ABTB2: variants seen among roughly 807,000 people sequenced by gnomAD.
ABTB2 encodes the protein ankyrin repeat and BTB domain containing 2.
In ABTB2, 56 loss-of-function variants were observed where a neutral mutation model predicts 104.1. The ratio of observed to expected loss-of-function variants is 0.54; its 90% CI spans 0.43 to 0.67. ABTB2 has a LOEUF of 0.67. Ranked by LOEUF, ABTB2 falls within the 30% of genes least tolerant of loss-of-function variation. The pLI, the probability that ABTB2 is intolerant of heterozygous loss-of-function variation, is 0.00. For missense variants in ABTB2, 1,279 were observed against 1,407.7 expected, an observed-to-expected ratio of 0.91 and a Z score of 1.46; for synonymous variants, 606 against 608.2, an observed-to-expected ratio of 1.00 and a Z score of 0.05.
rs1363846796 is a variant in ABTB2, at chr11:34,253,563, C to T, written c.884-48873G>A. On this transcript the variant is annotated intron_variant, in intron 1 of 16. Transcript: ENST00000435224. ...TGGTGGCACACTCTTGTAATCCCAG[C>T]TACTCGGGAGGCTGAGGCAGGAGAA... Among the ~76,000 whole-genome samples the T allele has an allele frequency of 2.0e-5, 3 of 151,990 alleles. No homozygotes were observed. In the East Asian group the frequency reaches 5.8e-4, roughly 29 times the overall value.
At chr11:34,289,774 G>C (rs953157181) in intron 1 of ABTB2, among the ~76,000 whole-genome samples, 15 of 152,184 alleles carry the variant, frequency 9.9e-5, no homozygotes, top group African/African-American at 3.4e-4. Context: ...AAGACCCTCA[G>C]ACCAGAACAA....
chr11:34,249,547 T>C (rs1198472830), intron 1 of ABTB2, among the ~76,000 whole-genome samples: 2 of 151,640 alleles, frequency 1.3e-5, no homozygotes, highest in African/African-American at 4.8e-5. Flanking sequence ...TGGCAGGTCA[T>C]TTCATGACCT....
chr11:34,294,254 TG>T (rs1854595366), intron 1 of ABTB2, among the ~76,000 whole-genome samples: 1 of 152,074 alleles, frequency 6.6e-6, no homozygotes, highest in Non-Finnish European at 1.5e-5. Context: ...GGCTTGAGCC[TG>T]GGGTCATTGA....
chr11:34,173,510 A>C lies in ABTB2; in HGVS notation c.1245-203T>G, dbSNP rs577322998. ...GCAGCAGGGGACCCCTTAAGCACAC[A>C]CATGCTCACAAGTGGCAACCAAGGC... On this transcript the variant is annotated intron_variant, in intron 3 of 16. Transcript: ENST00000435224. Among the ~76,000 whole-genome samples the C allele has an allele frequency of 2.0e-5, 3 of 152,246 alleles. No individual in the cohort carries two copies. In the South Asian group the frequency reaches 6.2e-4, roughly 32 times the overall value.
Position 34,229,353 on chromosome 11 carries a change from C to T in ABTB2, c.884-24663G>A, listed in dbSNP as rs537592850. On this transcript the variant is annotated intron_variant, in intron 1 of 16. Coordinates refer to ENST00000435224, the MANE Select transcript of ABTB2 (RefSeq NM_145804.3). ...AAAATTAGCCAGGTGTGGTGGCGGG[C>T]GCCTGTAGTCCCAGCTACTCGGGAG... Among the ~76,000 whole-genome samples, 409 of 151,002 alleles carry T rather than the reference C, an allele frequency of 2.7e-3. 1 individual carries two copies. Among genetic ancestry groups the T allele is most frequent in the Middle Eastern group, 0.014 (4 of 292 alleles).
chr11:34,350,418 T>C (rs1855384178), intron 1 of ABTB2, among the ~76,000 whole-genome samples: 1 of 152,234 alleles, frequency 6.6e-6, no homozygotes, highest in African/African-American at 2.4e-5. Context: ...CTGCGGCTTC[T>C]CTATTCAGCT....
chr11:34,184,002 C>T (rs1295089797), intron 3 of ABTB2, among the ~76,000 whole-genome samples: 1 of 151,992 alleles, frequency 6.6e-6, no homozygotes, highest in Non-Finnish European at 1.5e-5. Flanking sequence ...CAGCCTCAAC[C>T]TGCTTGCTGG....
At chr11:34,351,955 A>G (rs975723645) in intron 1 of ABTB2, among the ~76,000 whole-genome samples, 1 of 152,160 alleles carries the variant, frequency 6.6e-6, no homozygotes, top group Non-Finnish European at 1.5e-5. Flanking sequence ...TTTCATTTCC[A>G]AAGCTTGCTC....
chr11:34,227,621 C>T (rs1276347887), intron 1 of ABTB2, among the ~76,000 whole-genome samples: 1 of 152,236 alleles, frequency 6.6e-6, no homozygotes, highest in African/African-American at 2.4e-5. Context: ...TTGGCTATTA[C>T]AAACAATGCT....
chr11:34,226,789 G>C (rs1031751020), intron 1 of ABTB2, among the ~76,000 whole-genome samples: 7 of 152,170 alleles, frequency 4.6e-5, no homozygotes, highest in African/African-American at 1.7e-4. Context: ...GTATGGTATG[G>C]GTATGGTAGC....
At chr11:34,261,140 A>G (rs1208662447) in intron 1 of ABTB2, among the ~76,000 whole-genome samples, 5 of 152,082 alleles carry the variant, frequency 3.3e-5, no homozygotes, top group Admixed American at 2.0e-4. Flanking sequence ...GCCCCCCCCA[A>G]AAAAAGACAC....
intron 1 of ABTB2, among the ~76,000 whole-genome samples, chr11:34,337,504 T>C (rs1855205823): frequency 1.3e-5 from 2 of 152,258 alleles, no homozygotes; most frequent in South Asian, 2.1e-4. Context: ...AATAGCCTAA[T>C]GCTTTTGATT....
chr11:34,293,656 T>C (rs1414534310), intron 1 of ABTB2, among the ~76,000 whole-genome samples: 1 of 152,156 alleles, frequency 6.6e-6, no homozygotes, highest in African/African-American at 2.4e-5. Context: ...GAAAAAAATT[T>C]GCACATGTGG....
chr11:34,248,661 T>C (rs948605766), intron 1 of ABTB2, among the ~76,000 whole-genome samples: 3 of 152,248 alleles, frequency 2.0e-5, no homozygotes, highest in Non-Finnish European at 4.4e-5. Flanking sequence ...CTCAGCTTCC[T>C]TAAGAACGTA....
At chr11:34,197,288 C>A in intron 3 of ABTB2, 37 bp downstream of exon 3, 2 of 1,602,806 alleles carry the variant, frequency 1.2e-6, no homozygotes, top group South Asian at 1.1e-5. Context: ...TTTGGGAGCA[C>A]GTCCCACCAG....
At chr11:34,291,355 AAG>A in intron 1 of ABTB2, among the ~76,000 whole-genome samples, 1 of 152,320 alleles carries the variant, frequency 6.6e-6, no homozygotes, top group Admixed American at 6.5e-5. Flanking sequence ...GGGAAAGCTG[AAG>A]ACCCCTCCAT....
At chr11:34,194,541 T>C (rs1055971261) in intron 3 of ABTB2, among the ~76,000 whole-genome samples, 2 of 151,656 alleles carry the variant, frequency 1.3e-5, no homozygotes, top group African/African-American at 2.4e-5. Context: ...GGTGAGGGTA[T>C]CAGGGTGCTG....
chr11:34,194,393 G>A (rs546432829), intron 3 of ABTB2, among the ~76,000 whole-genome samples: 15 of 152,196 alleles, frequency 9.9e-5, no homozygotes, highest in Non-Finnish European at 2.1e-4. Flanking sequence ...GACAGAGGAC[G>A]GGGCTTCAGG....
Position 34,356,906 on chromosome 11 carries a change from G to A in ABTB2, c.678C>T (p.Tyr226=), listed in dbSNP as rs1381516879. The change falls in exon 1 of 17, where the codon TAC becomes TAT. Residue 226 remains tyrosine, a synonymous_variant. Coordinates refer to ENST00000435224, the MANE Select transcript of ABTB2 (RefSeq NM_145804.3). The surrounding 1 kb of genome is among the most constrained non-coding windows in gnomAD (Gnocchi z 4.6). ...TGCAGGCGGTGAGGGAGATGGCTGC[G>A]TACTCGTGGATGCGCACGGAGATTC... is the stretch of plus-strand genomic sequence containing the variant. ...DTRISVRIHE[Y]AAISLTACME... is the part of the protein sequence containing the mutation. The A allele has an allele frequency of 2.5e-6, 4 of 1,602,940 alleles. No individual in the cohort carries two copies. The highest frequency in any genetic ancestry group is 4.5e-5 in the East Asian group (2 of 44,508).
Sources: gnomAD v4.1 joint callset for allele counts (sites outside exome capture counted in the v4.1 genomes callset) on GRCh38, gnomAD v4.1.1 for gene constraint, Gnocchi (gnomAD v3.1) non-coding constraint, MANE v1.5 for transcripts, NCBI Gene and HGNC (gene_info 2026-07-23, HGNC 2026-07-21) for gene names.